The following PNPLA1 variants were observed in gnomAD, a reference collection of about 807,000 sequenced individuals.
PNPLA1 encodes omega-hydroxyceramide transacylase.
PNPLA1 carries 36 observed loss-of-function variants against 51.7 expected under a neutral mutation model. That is an observed-to-expected ratio of 0.70 (90% confidence interval 0.53 to 0.92). The LOEUF (loss-of-function observed/expected upper bound fraction) is 0.92, where lower values mean the gene tolerates loss of function less well. PNPLA1 is among the 40% of genes least tolerant of loss of function. The probability of loss-of-function intolerance (pLI) is 0.00; values close to 1 mark genes in which losing one functional copy is unlikely to be tolerated. For missense variants in PNPLA1, 658 were observed against 682.5 expected, an observed-to-expected ratio of 0.96 and a Z score of 0.40; for synonymous variants, 293 against 280.1, an observed-to-expected ratio of 1.05 and a Z score of -0.46.
At chr6:36,308,978 G>A (rs1771326431) in intron 8 of PNPLA1, among the ~76,000 whole-genome samples, 1 of 152,124 alleles carries the variant, frequency 6.6e-6, no homozygotes, top group Non-Finnish European at 1.5e-5. Flanking sequence ...GACCTGCACT[G>A]CTATATAATT....
chr6:36,306,589 T>C (rs1488604538), intron 7 of PNPLA1, among the ~76,000 whole-genome samples: 2 of 152,192 alleles, frequency 1.3e-5, no homozygotes, highest in Admixed American at 1.3e-4. Context: ...AGCCTGTCCG[T>C]GGTGATGATG....
At position 36,270,536 on chromosome 6, in the gene PNPLA1, T is replaced by G; in HGVS notation, c.77T>G (p.Phe26Cys). The change falls in exon 1 of 9, where the codon TTC becomes TGC. Residue 26 changes from phenylalanine (F) to cysteine (C), a missense_variant. Coordinates refer to ENST00000636260, the MANE Select transcript of PNPLA1 (RefSeq NM_001374623.1). ...TTCTCGGGCAGTGGATTCCTCTCCT[T>G]CTACCAGGCGGGGGCTGTGGACGCC... ...ISFSGSGFLS[F>C]YQAGAVDALR... 1 of 1,551,622 alleles carries G rather than the reference T, an allele frequency of 6.4e-7. No individual in the cohort carries two copies. Among genetic ancestry groups the G allele is most frequent in the Non-Finnish European group, 8.7e-7 (1 of 1,146,996 alleles).
intron 1 of PNPLA1, among the ~76,000 whole-genome samples, chr6:36,243,547 C>T (rs890600567): frequency 1.3e-5 from 2 of 152,144 alleles, no homozygotes; most frequent in Non-Finnish European, 2.9e-5. Flanking sequence ...AATTCAGATG[C>T]GCACTTGTGT....
chr6:36,280,263 T>A (rs58483070), intron 1 of PNPLA1, among the ~76,000 whole-genome samples: 13,121 of 152,202 alleles, frequency 0.086, 827 homozygotes, highest in African/African-American at 0.18. Flanking sequence ...GCAATGTTTT[T>A]CATGGTAATT....
chr6:36,248,585 G>A (rs1049202834), intron 1 of PNPLA1, among the ~76,000 whole-genome samples: 23 of 151,044 alleles, frequency 1.5e-4, no homozygotes, highest in African/African-American at 5.1e-4. Context: ...GCAGTGGCAC[G>A]ATCTCGGCTC....
intron 1 of PNPLA1, among the ~76,000 whole-genome samples, chr6:36,275,972 CTTTT>C (rs1770081959): frequency 2.0e-5 from 3 of 151,250 alleles, no homozygotes; most frequent in South Asian, 2.1e-4. Context: ...TTCTTTCTTT[CTTTT>C]GAGACAGAGT....
At chr6:36,275,075 G>GGTTTT (rs1247779741) in intron 1 of PNPLA1, among the ~76,000 whole-genome samples, 1 of 151,812 alleles carries the variant, frequency 6.6e-6, no homozygotes, top group Admixed American at 6.6e-5. Flanking sequence ...TTACAACTTG[G>GGTTTT]GTTTTGTTTT....
intron 1 of PNPLA1, among the ~76,000 whole-genome samples, chr6:36,243,550 A>C (rs1189547956): frequency 6.6e-6 from 1 of 152,186 alleles, no homozygotes; most frequent in Admixed American, 6.5e-5. Flanking sequence ...TCAGATGCGC[A>C]CTTGTGTTTG....
intron 7 of PNPLA1, 59 bp from the exon 8 acceptor site, chr6:36,307,528 C>G: frequency 1.9e-6 from 3 of 1,588,334 alleles, no homozygotes; most frequent in East Asian, 2.3e-5. Flanking sequence ...AGCAGGCCAC[C>G]ATGTTGGAGG....
chr6:36,250,737 C>T (rs1769402345), intron 1 of PNPLA1, among the ~76,000 whole-genome samples: 1 of 152,148 alleles, frequency 6.6e-6, no homozygotes. Context: ...GTGGCTCACA[C>T]TCTGTTGCCA....
chr6:36,282,139 A>AGGAAGGAG (rs1561859501), intron 1 of PNPLA1, among the ~76,000 whole-genome samples: 1 of 146,286 alleles, frequency 6.8e-6, no homozygotes, highest in African/African-American at 2.6e-5. Context: ...GAAGGAAGGA[A>AGGAAGGAG]AGAGAGACAG....
intron 2 of PNPLA1, 151 bp downstream of exon 2, chr6:36,291,703 A>T: frequency 1.4e-6 from 1 of 709,556 alleles, no homozygotes; most frequent in Non-Finnish European, 2.3e-6. Flanking sequence ...TCGCTGTGCA[A>T]GGTGCAGTGC....
intron 1 of PNPLA1, among the ~76,000 whole-genome samples, chr6:36,256,820 G>A (rs1367277233): frequency 6.6e-6 from 1 of 152,122 alleles, no homozygotes; most frequent in South Asian, 2.1e-4. Flanking sequence ...AGGAGAAAAA[G>A]CATACCAATT....
chr6:36,286,149 C>T (rs938279745), intron 1 of PNPLA1, among the ~76,000 whole-genome samples: 2 of 152,212 alleles, frequency 1.3e-5, no homozygotes, highest in Non-Finnish European at 2.9e-5. Flanking sequence ...TCATCATAAT[C>T]CAGTAAGGTA....
At chr6:36,300,078 C>T (rs947098654) in intron 5 of PNPLA1, among the ~76,000 whole-genome samples, 23 of 152,044 alleles carry the variant, frequency 1.5e-4, no homozygotes, top group Non-Finnish European at 2.2e-4. Flanking sequence ...CAGGACCCCC[C>T]ACCCAGGGAT....
In PNPLA1 at chr6:36,312,951, G is replaced by A. The variant is rs917134596; in HGVS notation, c.*1065G>A. ...CCCAGCAGGACTGAGCCAACGACAC[G>A]CTTCCTCTTTCTTGTGGTGGCAGGA... is the stretch of plus-strand genomic sequence containing the variant. On this transcript the variant is annotated 3_prime_UTR_variant, in exon 9 of 9. Transcript: ENST00000636260. Among the ~76,000 whole-genome samples the A allele has an allele frequency of 2.0e-5, 3 of 152,172 alleles. No homozygotes were observed. Among genetic ancestry groups the A allele is most frequent in the South Asian group, 2.1e-4 (1 of 4,826 alleles).
chr6:36,244,957 G>C (rs1293537236), intron 1 of PNPLA1, among the ~76,000 whole-genome samples: 2 of 152,230 alleles, frequency 1.3e-5, no homozygotes, highest in Admixed American at 6.5e-5. Flanking sequence ...GGTTTTTAAA[G>C]GCAGGGAGGC....
At chr6:36,304,804 C>T (rs1159946719) in intron 6 of PNPLA1, among the ~76,000 whole-genome samples, 2 of 152,218 alleles carry the variant, frequency 1.3e-5, no homozygotes, top group Admixed American at 6.5e-5. Context: ...TCACTCATAT[C>T]GGGGGTGGAT....
At chr6:36,292,954 AT>A in intron 2 of PNPLA1, 106 bp from the exon 3 acceptor site, 1 of 940,992 alleles carries the variant, frequency 1.1e-6, no homozygotes, top group East Asian at 2.6e-5. Context: ...TTCACCTAGA[AT>A]TTAAGGAGGT....
Sources: allele counts gnomAD v4.1 joint callset (sites outside exome capture counted in the v4.1 genomes callset), GRCh38; gene constraint gnomAD v4.1.1; transcripts MANE v1.5; gene names NCBI Gene and HGNC (gene_info 2026-07-23, HGNC 2026-07-21).